ARHGAP10: variants seen among roughly 807,000 people sequenced by gnomAD.
ARHGAP10 encodes Rho GTPase activating protein 10.
Under a neutral mutation model 108.6 loss-of-function variants are expected in ARHGAP10, and 87 were observed. That is an observed-to-expected ratio of 0.80 (90% CI 0.67 to 0.96). The LOEUF is 0.96. Among genes scored for constraint, ARHGAP10 ranks in the 40% least tolerant of loss-of-function variants. The pLI is 0.00. For synonymous variants in ARHGAP10, 347 were observed against 341.1 expected (o/e 1.02, Z -0.19); for missense variants, 939 against 954.5 (o/e 0.98, Z 0.21).
At chr4:147,783,174 CACAT>C (rs1560754954) in intron 1 of ARHGAP10, among the ~76,000 whole-genome samples, 16 of 125,974 alleles carry the variant, frequency 1.3e-4, no homozygotes, top group Non-Finnish European at 2.3e-4. Flanking sequence ...ATTTATATAA[CACAT>C]TAAATTATAT....
intron 21 of ARHGAP10, among the ~76,000 whole-genome samples, chr4:148,064,056 G>C (rs900866308): frequency 6.6e-6 from 1 of 152,162 alleles, no homozygotes; most frequent in Admixed American, 6.5e-5. Context: ...CTCCAGGTGC[G>C]TGTGCTTTTC....
At chr4:148,040,663 G>C (rs528637585) in intron 19 of ARHGAP10, among the ~76,000 whole-genome samples, 1 of 152,112 alleles carries the variant, frequency 6.6e-6, no homozygotes, top group African/African-American at 2.4e-5. Context: ...GGGTTTAAAT[G>C]TCTAGGTGGT....
At chr4:148,029,706 A>G (rs1728049035) in intron 19 of ARHGAP10, among the ~76,000 whole-genome samples, 1 of 152,208 alleles carries the variant, frequency 6.6e-6, no homozygotes, top group South Asian at 2.1e-4. Flanking sequence ...GCTCTGGATA[A>G]TAACTTCCCA....
At chr4:147,868,104 A>G (rs765731803) in intron 7 of ARHGAP10, among the ~76,000 whole-genome samples, 3 of 152,210 alleles carry the variant, frequency 2.0e-5, no homozygotes, top group Non-Finnish European at 4.4e-5. Context: ...TTGTGAAAAC[A>G]GTTATAAAAT....
intron 10 of ARHGAP10, among the ~76,000 whole-genome samples, chr4:147,905,443 C>T (rs1051846157): frequency 2.9e-5 from 4 of 136,318 alleles, no homozygotes; most frequent in African/African-American, 1.1e-4. Context: ...TTTCAGCTTT[C>T]TACATATGGC....
chr4:147,784,740 TATAAATATATATTATAAA>T (rs1337030352), intron 1 of ARHGAP10, among the ~76,000 whole-genome samples: 38,860 of 59,266 alleles, frequency 0.66, 17,864 homozygotes, highest in Non-Finnish European at 0.87. Flanking sequence ...AAATATATAT[TATAAATATATATTATAAA>T]ATGTATATTA....
At chr4:147,974,387 T>C (rs1452707942) in intron 18 of ARHGAP10, among the ~76,000 whole-genome samples, 1 of 152,158 alleles carries the variant, frequency 6.6e-6, no homozygotes, top group East Asian at 1.9e-4. Flanking sequence ...CCCCACTTCC[T>C]AAGGGCCCTT....
At chr4:147,926,261 G>A (rs923981926) in intron 13 of ARHGAP10, among the ~76,000 whole-genome samples, 4 of 152,162 alleles carry the variant, frequency 2.6e-5, no homozygotes, top group Admixed American at 6.5e-5. Flanking sequence ...GGAATAGAAT[G>A]GGGGTAAGAT....
chr4:148,052,372 A>T (rs1729179378), intron 20 of ARHGAP10, among the ~76,000 whole-genome samples: 1 of 147,088 alleles, frequency 6.8e-6, no homozygotes. Context: ...ATCTTTTAAA[A>T]GTGTTTTTTT....
rs1732902284 is a variant in ARHGAP10 at position 147,830,422 on chromosome 4, G to T, written c.312+7465G>T. Among the ~76,000 whole-genome samples, 3 of 151,022 alleles carry T rather than the reference G, an allele frequency of 2.0e-5. 1 individual carries two copies. In the South Asian group the frequency reaches 6.3e-4, roughly 32 times the overall value. ...CTCCTCCATAAGTTTTTGGACTTTT[G>T]ACACGGATTTTTGTTCCAAACTATT... On this transcript the variant is annotated intron_variant, in intron 3 of 22. Transcript: ENST00000336498.
chr4:147,743,142 TCCTG>T (rs909975760), intron 1 of ARHGAP10, among the ~76,000 whole-genome samples: 10 of 151,626 alleles, frequency 6.6e-5, no homozygotes, highest in African/African-American at 1.9e-4. Flanking sequence ...CAAGCGATTC[TCCTG>T]CCTCAACCTC....
At chr4:147,801,671 G>T (rs1731587401) in intron 1 of ARHGAP10, among the ~76,000 whole-genome samples, 1 of 152,200 alleles carries the variant, frequency 6.6e-6, no homozygotes, top group Non-Finnish European at 1.5e-5. Context: ...ATACTTCAAA[G>T]AGAGTAAAGA....
At chr4:147,925,974 A>G (rs1030286124) in intron 13 of ARHGAP10, among the ~76,000 whole-genome samples, 1 of 152,188 alleles carries the variant, frequency 6.6e-6, no homozygotes, top group Non-Finnish European at 1.5e-5. Flanking sequence ...AGGAGACACC[A>G]TCTCTATTTG....
chr4:147,775,384 CA>C (rs765795241), intron 1 of ARHGAP10, among the ~76,000 whole-genome samples: 8 of 152,196 alleles, frequency 5.3e-5, no homozygotes, highest in Non-Finnish European at 1.0e-4. Flanking sequence ...TCTGCATGAG[CA>C]GAGCTGTGTG....
At chr4:147,985,963 TCTC>T (rs144451277) in intron 18 of ARHGAP10, among the ~76,000 whole-genome samples, 11,279 of 152,186 alleles carry the variant, frequency 0.074, 579 homozygotes, top group African/African-American at 0.14. Flanking sequence ...TTGCCCACCT[TCTC>T]CTCTCTGGAG....
In ARHGAP10 at chr4:148,046,883, T is replaced by A. The variant is rs779370013; in HGVS notation, c.1868-9T>A. The A allele has an allele frequency of 1.3e-5, 21 of 1,604,826 alleles. No homozygotes were observed. In the South Asian group the frequency reaches 2.3e-4, roughly 18 times the overall value. ...TTTGTTTGATATTCAATGCTTTTTT[T>A]CCTCCTAGGTGACAATCCTTACCCT... On this transcript the variant is annotated splice_polypyrimidine_tract_variant and intron_variant, in intron 19 of 22. Transcript: ENST00000336498.
rs534209389 is a variant in ARHGAP10, at chr4:147,968,087, G to T, written c.1716+1248G>T. 7.2e-5 allele frequency among the ~76,000 whole-genome samples: 11 copies of T among 152,334 alleles called. 1 individual carries two copies. The highest frequency in any genetic ancestry group is 2.6e-4 in the African/African-American group (11 of 41,568). Reference sequence around the variant, plus strand: ...TGTTAGAGCTGGCCCATGGCAGTTTGTGTTTGAATTGAGAATTGCAAGGAG... The same window carrying T: ...TGTTAGAGCTGGCCCATGGCAGTTTTTGTTTGAATTGAGAATTGCAAGGAG... On this transcript the variant is annotated intron_variant, in intron 18 of 22. Coordinates refer to ENST00000336498, the MANE Select transcript of ARHGAP10 (RefSeq NM_024605.4).
intron 13 of ARHGAP10, among the ~76,000 whole-genome samples, chr4:147,918,133 A>ATTTTT (rs760617123): frequency 0.028 from 3,620 of 129,878 alleles, 303 homozygotes; most frequent in African/African-American, 0.11. Context: ...TCTCATTAAG[A>ATTTTT]TTTTTTTTTT....
At chr4:148,033,545 A>G (rs968352142) in intron 19 of ARHGAP10, among the ~76,000 whole-genome samples, 40 of 152,196 alleles carry the variant, frequency 2.6e-4, no homozygotes, top group African/African-American at 9.2e-4. Context: ...CTTTATACAT[A>G]TTTGTATTTC....
Sources: gnomAD v4.1 joint callset for allele counts (sites outside exome capture counted in the v4.1 genomes callset) on GRCh38, gnomAD v4.1.1 for gene constraint, MANE v1.5 for transcripts, NCBI Gene and HGNC (gene_info 2026-07-23, HGNC 2026-07-21) for gene names.